SOX5: variants seen among roughly 807,000 people sequenced by gnomAD.
SOX5 encodes the protein transcription factor SOX-5.
Under a neutral mutation model 92.0 loss-of-function variants are expected in SOX5, and 9 were observed. That is an observed-to-expected ratio of 0.10 (90% confidence interval 0.06 to 0.17). The LOEUF (loss-of-function observed/expected upper bound fraction) is 0.17, where lower values mean the gene tolerates loss of function less well. SOX5 is among the 10% of genes least tolerant of loss of function. SOX5 has a pLI of 1.00. For missense variants in SOX5, 642 were observed against 944.5 expected (o/e 0.68, Z 4.20); for synonymous variants, 344 against 336.3 (o/e 1.02, Z -0.25).
At chr12:24,409,422 C>T (rs1459894919) in intron 1 of SOX5, among the ~76,000 whole-genome samples, 1 of 152,088 alleles carries the variant, frequency 6.6e-6, no homozygotes, top group African/African-American at 2.4e-5. Context: ...ATGTAACAAA[C>T]CTGCACTTTC....
intron 2 of SOX5, among the ~76,000 whole-genome samples, chr12:23,852,219 GA>G (rs1304177053): frequency 8.6e-5 from 13 of 151,988 alleles, no homozygotes; most frequent in Non-Finnish European, 1.3e-4. Context: ...CTAATTTCCT[GA>G]ACTAATGAGT....
chr12:23,644,122 A>G (rs1020552740), intron 7 of SOX5, among the ~76,000 whole-genome samples: 10 of 152,222 alleles, frequency 6.6e-5, no homozygotes, highest in Non-Finnish European at 1.0e-4. Context: ...AAGTTACAAA[A>G]GTATTTTGGC....
At chr12:24,052,740 G>C (rs369953227) in intron 4 of SOX5, among the ~76,000 whole-genome samples, 3 of 152,288 alleles carry the variant, frequency 2.0e-5, no homozygotes, top group African/African-American at 7.2e-5. Context: ...TCAACCAGAT[G>C]CTACATAAAT....
upstream of SOX5, among the ~76,000 whole-genome samples, chr12:23,955,746 TAA>T (rs35081092): frequency 2.1e-5 from 3 of 143,806 alleles, no homozygotes; most frequent in Admixed American, 6.9e-5. Flanking sequence ...TTCTTTTGAG[TAA>T]AAAAAAAAAA....
chr12:23,837,003 A>C (rs1347212283), intron 3 of SOX5, among the ~76,000 whole-genome samples: 2 of 150,856 alleles, frequency 1.3e-5, no homozygotes. Flanking sequence ...ATTCTTTCTG[A>C]TACTATGTTG....
chr12:24,332,874 A>G (rs1453873970), intron 2 of SOX5, among the ~76,000 whole-genome samples: 2 of 152,142 alleles, frequency 1.3e-5, no homozygotes, highest in African/African-American at 4.8e-5. Flanking sequence ...GTAACCATAC[A>G]GAAAATAAAC....
chr12:24,320,497 C>T (rs2140897336), intron 2 of SOX5, among the ~76,000 whole-genome samples: 1 of 152,284 alleles, frequency 6.6e-6, no homozygotes, highest in South Asian at 2.1e-4. Flanking sequence ...TGTAACTTTA[C>T]TTTCCTGGAA....
intron 1 of SOX5, among the ~76,000 whole-genome samples, chr12:24,519,224 T>C (rs1349806983): frequency 6.6e-6 from 1 of 152,118 alleles, no homozygotes; most frequent in East Asian, 1.9e-4. Context: ...TCAAAAATAT[T>C]TACTGAGCAC....
In SOX5 at chr12:24,361,837, G is replaced by A. The variant is rs563772926; in HGVS notation, c.-174+6726C>T. 1.6e-3 allele frequency among the ~76,000 whole-genome samples: 238 copies of A among 152,278 alleles called. 1 individual carries two copies. The highest frequency in any genetic ancestry group is 5.6e-3 in the African/African-American group (231 of 41,546). On this transcript the variant is annotated intron_variant, in intron 2 of 4. Coordinates refer to the SOX5 transcript ENST00000446891. ...CCTGTCTGGTACAGCAGTCTCTCTG[G>A]GATTTCAGTTCAGGCTTACCTGAGT...
intron 11 of SOX5, 137 bp from the exon 12 acceptor site, chr12:23,546,561 A>G: frequency 1.7e-6 from 1 of 597,224 alleles, no homozygotes; most frequent in South Asian, 2.1e-5. Flanking sequence ...TACGTTCAGC[A>G]CATTAACCTG....
intron 1 of SOX5, among the ~76,000 whole-genome samples, chr12:24,512,403 C>T (rs1949404979): frequency 6.6e-6 from 1 of 152,184 alleles, no homozygotes; most frequent in Admixed American, 6.5e-5. Flanking sequence ...GTCACCAGAA[C>T]AGAAGTTTAA....
At chr12:23,640,390 G>A (rs920021194) in intron 8 of SOX5, among the ~76,000 whole-genome samples, 1 of 152,172 alleles carries the variant, frequency 6.6e-6, no homozygotes, top group African/African-American at 2.4e-5. Flanking sequence ...AGAACAAAGA[G>A]ACCTACAGAC....
chr12:23,786,512 T>C (rs1015146203), intron 3 of SOX5, among the ~76,000 whole-genome samples: 1 of 149,714 alleles, frequency 6.7e-6, no homozygotes, highest in African/African-American at 2.5e-5. Context: ...ACACCCACTT[T>C]TCCATTGGTG....
At chr12:23,666,386 A>G (rs1292344945) in intron 6 of SOX5, among the ~76,000 whole-genome samples, 4 of 152,190 alleles carry the variant, frequency 2.6e-5, no homozygotes, top group African/African-American at 7.2e-5. Flanking sequence ...ATAATCCAGC[A>G]CAATAGAATC....
intron 4 of SOX5, among the ~76,000 whole-genome samples, chr12:24,008,884 T>A (rs916771157): frequency 1.3e-5 from 2 of 152,132 alleles, no homozygotes; most frequent in African/African-American, 4.8e-5. Flanking sequence ...TTTAGTCCCA[T>A]AAAATGCAGC....
intron 1 of SOX5, among the ~76,000 whole-genome samples, chr12:24,517,401 G>C (rs931968457): frequency 6.6e-6 from 1 of 152,146 alleles, no homozygotes; most frequent in African/African-American, 2.4e-5. Context: ...AAAAGCACGG[G>C]AAACACAGTG....
intron 4 of SOX5, among the ~76,000 whole-genome samples, chr12:24,076,390 A>G (rs370362473): frequency 2.0e-5 from 3 of 152,242 alleles, no homozygotes; most frequent in African/African-American, 7.2e-5. Context: ...ATAATTTCAG[A>G]AACTTCAATC....
At chr12:24,468,331 G>A (rs1355464535) in intron 1 of SOX5, among the ~76,000 whole-genome samples, 3 of 152,174 alleles carry the variant, frequency 2.0e-5, no homozygotes, top group Non-Finnish European at 4.4e-5. Context: ...GTAAAATGGG[G>A]ATGTAACAGT....
intron 10 of SOX5, among the ~76,000 whole-genome samples, chr12:23,567,353 A>G (rs1473837114): frequency 6.6e-6 from 1 of 152,158 alleles, no homozygotes; most frequent in Admixed American, 6.5e-5. Context: ...AGGTCAATAT[A>G]ACTTCCAGTT....
Sources: allele counts gnomAD v4.1 joint callset (sites outside exome capture counted in the v4.1 genomes callset), GRCh38; gene constraint gnomAD v4.1.1; transcripts MANE v1.5; gene names NCBI Gene and HGNC (gene_info 2026-07-23, HGNC 2026-07-21).